The following PHF21A variants were observed in gnomAD, a reference collection of about 807,000 sequenced individuals.
PHF21A encodes the protein PHD finger protein 21A, also known as BHC80a.
A neutral mutation model predicts 82.5 loss-of-function variants in PHF21A; 11 were observed. The ratio of observed to expected loss-of-function variants is 0.13; its 90% confidence interval spans 0.08 to 0.22. PHF21A has a LOEUF of 0.22. Ranked by LOEUF, PHF21A falls within the 10% of genes least tolerant of loss-of-function variation. PHF21A has a pLI of 1.00. For synonymous variants in PHF21A, 297 were observed against 302.8 expected (o/e 0.98, Z 0.20); for missense variants, 579 against 837.8 (o/e 0.69, Z 3.81).
chr11:46,012,781 A>G (rs1210720392), intron 6 of PHF21A, among the ~76,000 whole-genome samples: 2 of 152,040 alleles, frequency 1.3e-5, no homozygotes, highest in Non-Finnish European at 2.9e-5. Flanking sequence ...GGCCAAACTC[A>G]TTGTCTTCCC....
rs535718673 is a variant in PHF21A, at chr11:46,059,787, C to T, written c.153+16967G>A. On this transcript the variant is annotated intron_variant, in intron 6 of 18. Transcript: ENST00000676320. ...TGTTGCCCAGGCTGGAGTGCAGTGGCTCAATCTCGGCTCACTGCAACTTCT... is the reference window on the plus strand; with the variant it reads ...TGTTGCCCAGGCTGGAGTGCAGTGGTTCAATCTCGGCTCACTGCAACTTCT... 1.9e-4 allele frequency among the ~76,000 whole-genome samples: 29 copies of T among 152,210 alleles called. No homozygotes were observed. The South Asian group carries it at 6.0e-3, about 32-fold the overall frequency.
intron 6 of PHF21A, among the ~76,000 whole-genome samples, chr11:46,039,488 G>A (rs1230381850): frequency 6.6e-6 from 1 of 152,100 alleles, no homozygotes; most frequent in Non-Finnish European, 1.5e-5. Context: ...CTTGAAGGAG[G>A]TAGCTCACCA....
chr11:46,112,698 A>G (rs1593403416), intron 1 of PHF21A, among the ~76,000 whole-genome samples: 1 of 152,338 alleles, frequency 6.6e-6, no homozygotes, highest in East Asian at 1.9e-4. Flanking sequence ...GAACTCTGAA[A>G]TTAAATACTG....
chr11:46,013,093 G>A (rs2095442663), intron 6 of PHF21A, among the ~76,000 whole-genome samples: 1 of 152,046 alleles, frequency 6.6e-6, no homozygotes, highest in Non-Finnish European at 1.5e-5. Context: ...TAATCTGTAA[G>A]TTAAACTTAT....
At chr11:45,971,434 A>G in intron 7 of PHF21A, 67 bp from the exon 8 acceptor site, 1 of 1,372,234 alleles carries the variant, frequency 7.3e-7, no homozygotes, top group Non-Finnish European at 1.0e-6. Flanking sequence ...AAATCCCACT[A>G]AACAATATGC....
chr11:45,935,538 C>T (rs767570920), intron 18 of PHF21A, 98 bp downstream of exon 18: 3 of 779,046 alleles, frequency 3.9e-6, no homozygotes, highest in East Asian at 2.5e-5. Context: ...CAGAAGGACC[C>T]GAAACAGCCT....
At chr11:46,044,096 A>G (rs957853546) in intron 6 of PHF21A, among the ~76,000 whole-genome samples, 7 of 152,190 alleles carry the variant, frequency 4.6e-5, no homozygotes, top group Non-Finnish European at 1.0e-4. Flanking sequence ...TAAACTCATC[A>G]TAATAAAATT....
intron 6 of PHF21A, among the ~76,000 whole-genome samples, chr11:46,036,579 T>A (rs900871467): frequency 5.3e-5 from 8 of 152,232 alleles, no homozygotes; most frequent in Non-Finnish European, 1.2e-4. Flanking sequence ...TTAAACTCTT[T>A]TATGTCCCTA....
At chr11:45,984,539 T>C (rs1016235111) in intron 6 of PHF21A, among the ~76,000 whole-genome samples, 4 of 152,216 alleles carry the variant, frequency 2.6e-5, no homozygotes, top group Non-Finnish European at 5.9e-5. Flanking sequence ...AGACAGATCC[T>C]GAAGAAAAAT....
chr11:46,110,911 G>A (rs904521230), intron 1 of PHF21A, among the ~76,000 whole-genome samples: 16 of 151,048 alleles, frequency 1.1e-4, no homozygotes, highest in Non-Finnish European at 1.6e-4. Flanking sequence ...TCAGCCTCCC[G>A]AGTAGCTGGG....
At chr11:46,012,895 C>A (rs902284318) in intron 6 of PHF21A, among the ~76,000 whole-genome samples, 1 of 152,176 alleles carries the variant, frequency 6.6e-6, no homozygotes, top group African/African-American at 2.4e-5. Flanking sequence ...TCTAATTAGT[C>A]TTTGCACTGT....
At chr11:46,083,124 T>G (rs551784781) in intron 4 of PHF21A, among the ~76,000 whole-genome samples, 3 of 152,162 alleles carry the variant, frequency 2.0e-5, no homozygotes, top group Non-Finnish European at 4.4e-5. Context: ...AGCTTGTTTT[T>G]GTAACAAATT....
At chr11:45,960,882 A>C (rs569565678) in intron 10 of PHF21A, among the ~76,000 whole-genome samples, 1 of 152,364 alleles carries the variant, frequency 6.6e-6, no homozygotes, top group East Asian at 1.9e-4. Context: ...ACTTTTAAAA[A>C]CATCTGGATT....
chr11:45,985,270 T>C (rs1354059254), intron 6 of PHF21A, among the ~76,000 whole-genome samples: 1 of 152,238 alleles, frequency 6.6e-6, no homozygotes, highest in Non-Finnish European at 1.5e-5. Flanking sequence ...CAGGGCAGTC[T>C]TCAGAATGTG....
At chr11:46,113,912 A>C (rs1281502207) in intron 1 of PHF21A, among the ~76,000 whole-genome samples, 1 of 152,038 alleles carries the variant, frequency 6.6e-6, no homozygotes, top group Non-Finnish European at 1.5e-5. Context: ...ATTTTTCTTG[A>C]AGAAAATTCT....
chr11:46,065,455 G>A (rs1167428537), intron 6 of PHF21A, among the ~76,000 whole-genome samples: 1 of 152,202 alleles, frequency 6.6e-6, no homozygotes, highest in African/African-American at 2.4e-5. Flanking sequence ...AGTGCTGAAA[G>A]ATGACCAGAA....
At chr11:46,071,118 T>C (rs2096652283) in intron 6 of PHF21A, among the ~76,000 whole-genome samples, 1 of 152,238 alleles carries the variant, frequency 6.6e-6, no homozygotes, top group South Asian at 2.1e-4. Flanking sequence ...ACACCCTTTG[T>C]CATATAACTT....
intron 10 of PHF21A, among the ~76,000 whole-genome samples, chr11:45,959,640 C>T (rs2092950825): frequency 6.6e-6 from 1 of 152,084 alleles, no homozygotes; most frequent in Non-Finnish European, 1.5e-5. Flanking sequence ...GAAAAAAACT[C>T]AAAGAATCCA....
chr11:46,020,376 C>A (rs2137800425), intron 6 of PHF21A, among the ~76,000 whole-genome samples: 1 of 152,276 alleles, frequency 6.6e-6, no homozygotes, highest in South Asian at 2.1e-4. Flanking sequence ...CCACCAAGAA[C>A]CAGGAGCGCC....
Sources: gnomAD v4.1 joint callset for allele counts (sites outside exome capture counted in the v4.1 genomes callset) on GRCh38, gnomAD v4.1.1 for gene constraint, MANE v1.5 for transcripts, NCBI Gene and HGNC (gene_info 2026-07-23, HGNC 2026-07-21) for gene names.